ARHGEF28: variants seen among roughly 807,000 people sequenced by gnomAD.
ARHGEF28 encodes the protein 190 kDa guanine nucleotide exchange factor.
Under a neutral mutation model 206.6 loss-of-function variants are expected in ARHGEF28, and 152 were observed. The observed-to-expected ratio is 0.74, with a 90% CI of 0.64 to 0.84. The LOEUF is 0.84. Ranked by LOEUF, ARHGEF28 falls within the 40% of genes least tolerant of loss-of-function variation. The pLI, the probability that ARHGEF28 is intolerant of heterozygous loss-of-function variation, is 0.00. For synonymous variants in ARHGEF28, 763 were observed against 776.4 expected (o/e 0.98, Z 0.29); for missense variants, 2,028 against 2,073.2 (o/e 0.98, Z 0.42).
At chr5:73,931,520 A>G (rs1316329905) in intron 35 of ARHGEF28, among the ~76,000 whole-genome samples, 1 of 152,020 alleles carries the variant, frequency 6.6e-6, no homozygotes, top group Non-Finnish European at 1.5e-5. Flanking sequence ...TTCATTTTCC[A>G]TCCATTTCCA....
At chr5:73,859,958 A>G (rs1759289928) in intron 16 of ARHGEF28, among the ~76,000 whole-genome samples, 1 of 152,142 alleles carries the variant, frequency 6.6e-6, no homozygotes, top group Non-Finnish European at 1.5e-5. Flanking sequence ...TGCTTAACAG[A>G]AGTTCTGCTT....
chr5:73,867,195 G>A (rs1205582315), intron 18 of ARHGEF28, among the ~76,000 whole-genome samples: 4 of 152,204 alleles, frequency 2.6e-5, no homozygotes, highest in Non-Finnish European at 5.9e-5. Flanking sequence ...GCTTTGTAAT[G>A]TCTGGGATCT....
chr5:73,763,632 A>G (rs6866694), intron 4 of ARHGEF28, among the ~76,000 whole-genome samples: 3,363 of 152,288 alleles, frequency 0.022, 131 homozygotes, highest in African/African-American at 0.077. Flanking sequence ...CATCTGGGGT[A>G]TAAGGGGAGA....
At chr5:73,834,118 ATACATG>A (rs1175563354) in intron 10 of ARHGEF28, among the ~76,000 whole-genome samples, 3 of 152,346 alleles carry the variant, frequency 2.0e-5, no homozygotes, top group African/African-American at 7.2e-5. Context: ...TAATGTTTTG[ATACATG>A]TACATATTAT....
chr5:73,742,716 C>G (rs1018959997), intron 2 of ARHGEF28, among the ~76,000 whole-genome samples: 3 of 148,890 alleles, frequency 2.0e-5, no homozygotes, highest in East Asian at 4.0e-4. Context: ...CCCAGCTACT[C>G]GGGAGGCTGA....
chr5:73,856,209 C>G (rs1012232731), intron 14 of ARHGEF28, among the ~76,000 whole-genome samples: 1 of 152,152 alleles, frequency 6.6e-6, no homozygotes, highest in African/African-American at 2.4e-5. Flanking sequence ...ATTCTATTAA[C>G]CAGTCAGTTA....
chr5:73,751,346 G>T (rs2112400063), intron 3 of ARHGEF28, among the ~76,000 whole-genome samples: 1 of 152,316 alleles, frequency 6.6e-6, no homozygotes, highest in South Asian at 2.1e-4. Flanking sequence ...GGAGACAGAG[G>T]TTGCAGTGAG....
chr5:73,823,423 T>TA (rs1282042284), intron 9 of ARHGEF28, among the ~76,000 whole-genome samples: 1 of 152,206 alleles, frequency 6.6e-6, no homozygotes, highest in African/African-American at 2.4e-5. Context: ...TGGTTATTCT[T>TA]AAAAATCTAG....
intron 14 of ARHGEF28, among the ~76,000 whole-genome samples, chr5:73,853,719 A>G (rs1029548568): frequency 1.1e-4 from 16 of 152,344 alleles, no homozygotes; most frequent in Non-Finnish European, 4.4e-5. Flanking sequence ...TGTGCCTTGT[A>G]CTGTTTTAAG....
intron 9 of ARHGEF28, among the ~76,000 whole-genome samples, chr5:73,811,546 A>T (rs72770892): frequency 6.6e-6 from 1 of 152,198 alleles, no homozygotes; most frequent in African/African-American, 2.4e-5. Context: ...GAGTGAATGT[A>T]AATGCTCTTC....
At chr5:73,699,478 C>G (rs1260923264) in intron 2 of ARHGEF28, among the ~76,000 whole-genome samples, 2 of 152,090 alleles carry the variant, frequency 1.3e-5, no homozygotes, top group Non-Finnish European at 2.9e-5. Context: ...CAGGTATACA[C>G]CATGTCAAAG....
chr5:73,859,040 G>A (rs540683855), intron 16 of ARHGEF28, among the ~76,000 whole-genome samples: 9 of 152,150 alleles, frequency 5.9e-5, no homozygotes, highest in Non-Finnish European at 1.0e-4. Flanking sequence ...GGATCACTCA[G>A]ACAACAGCTT....
chr5:73,770,845 C>G (rs778151647), intron 4 of ARHGEF28, among the ~76,000 whole-genome samples: 40 of 152,206 alleles, frequency 2.6e-4, no homozygotes, highest in Non-Finnish European at 4.3e-4. Flanking sequence ...GAAAGAGAGG[C>G]AACAGTGAGC....
At chr5:73,909,132 C>A (rs1762715567) in intron 33 of ARHGEF28, 1 of 302,860 alleles carries the variant, frequency 3.3e-6, no homozygotes, top group African/African-American at 2.1e-5. Context: ...ACCCAACCAC[C>A]AGCAGCAAAC....
chr5:73,662,130 A>G (rs934869558), intron 1 of ARHGEF28, among the ~76,000 whole-genome samples: 2 of 152,222 alleles, frequency 1.3e-5, no homozygotes, highest in Non-Finnish European at 2.9e-5. Flanking sequence ...CTTTTCCAGA[A>G]CAGGTAGAGA....
At chr5:73,645,981 G>A (rs768034815) in intron 1 of ARHGEF28, among the ~76,000 whole-genome samples, 4 of 151,970 alleles carry the variant, frequency 2.6e-5, no homozygotes, top group Admixed American at 1.3e-4. Context: ...TAAGCACTGG[G>A]TGAGGGGAAT....
At chr5:73,854,704 C>T (rs1477434909) in intron 14 of ARHGEF28, among the ~76,000 whole-genome samples, 7 of 151,974 alleles carry the variant, frequency 4.6e-5, no homozygotes, top group Admixed American at 1.3e-4. Flanking sequence ...TGGTGGCAGG[C>T]GCCTGCAATC....
chr5:73,932,803 T>TC, intron 35 of ARHGEF28, among the ~76,000 whole-genome samples: 1 of 117,526 alleles, frequency 8.5e-6, no homozygotes, highest in African/African-American at 3.4e-5. Flanking sequence ...CCTATTTCTT[T>TC]TTTTTTTTTT....
In ARHGEF28 at chr5:73,911,458, G is replaced by C. The variant is rs1762899602; in HGVS notation, c.4831G>C (p.Asp1611His). Reference sequence around the variant, plus strand: ...GGTGAGGACTAGTGAACATCAAGTAGACCTCAAGGTGGACCCTTCTCAGCC... The same window carrying C: ...GGTGAGGACTAGTGAACATCAAGTACACCTCAAGGTGGACCCTTCTCAGCC... ...DLVRTSEHQV[D>H]LKVDPSQPSN... The change falls in exon 35 of 36, where the codon GAC becomes CAC. Residue 1611 changes from aspartate to histidine, a missense_variant. Coordinates refer to ENST00000513042, the MANE Select transcript of ARHGEF28 (RefSeq NM_001177693.2). The C allele has an allele frequency of 1.2e-6, 2 of 1,613,836 alleles. No individual in the cohort carries two copies. The highest frequency in any genetic ancestry group is 1.7e-6 in the Non-Finnish European group (2 of 1,179,880).
Sources: allele counts gnomAD v4.1 joint callset (sites outside exome capture counted in the v4.1 genomes callset), GRCh38; gene constraint gnomAD v4.1.1; transcripts MANE v1.5; gene names NCBI Gene and HGNC (gene_info 2026-07-23, HGNC 2026-07-21).